ESRRB: variants seen among roughly 807,000 people sequenced by gnomAD.
The protein encoded by ESRRB is estrogen related receptor beta, also known as steroid hormone receptor ERR2.
In ESRRB, 16 loss-of-function variants were observed where a neutral mutation model predicts 46.0. That is an observed-to-expected ratio of 0.35 (90% CI 0.24 to 0.53). The LOEUF is 0.53. Ranked by LOEUF, ESRRB falls within the 20% of genes least tolerant of loss-of-function variation. ESRRB has a pLI of 0.93. For missense variants in ESRRB, 488 were observed against 607.4 expected (o/e 0.80, Z 2.07); for synonymous variants, 246 against 259.6 (o/e 0.95, Z 0.50).
At chr14:76,345,366 CA>C (rs59564117) in intron 1 of ESRRB, among the ~76,000 whole-genome samples, 58,744 of 151,874 alleles carry the variant, frequency 0.39, 11,376 homozygotes, top group Admixed American at 0.49. Context: ...ACAATCCCAT[CA>C]AAAAAGTGGG....
At chr14:76,471,812 G>A (rs1291236382) in intron 3 of ESRRB, among the ~76,000 whole-genome samples, 1 of 152,182 alleles carries the variant, frequency 6.6e-6, no homozygotes, top group Non-Finnish European at 1.5e-5. Context: ...TAACACAGTT[G>A]TTCTTAATTC....
At chr14:76,488,039 G>A (rs1270103120) in intron 5 of ESRRB, among the ~76,000 whole-genome samples, 1 of 152,164 alleles carries the variant, frequency 6.6e-6, no homozygotes, top group Admixed American at 6.5e-5. Flanking sequence ...GAAGCCAAAT[G>A]TAGACACAAA....
At chr14:76,334,911 G>T (rs1884108396) in intron 1 of ESRRB, among the ~76,000 whole-genome samples, 1 of 152,190 alleles carries the variant, frequency 6.6e-6, no homozygotes, top group Non-Finnish European at 1.5e-5. Flanking sequence ...GAGCCACGTG[G>T]TGATGGGGGC....
intron 1 of ESRRB, among the ~76,000 whole-genome samples, chr14:76,334,987 A>G (rs1290193076): frequency 6.6e-6 from 1 of 152,114 alleles, no homozygotes; most frequent in Non-Finnish European, 1.5e-5. Flanking sequence ...TCTATCAGGC[A>G]TGTGGGTGTA....
intron 1 of ESRRB, among the ~76,000 whole-genome samples, chr14:76,360,677 T>C (rs889186445): frequency 6.6e-6 from 1 of 152,182 alleles, no homozygotes; most frequent in African/African-American, 2.4e-5. Flanking sequence ...TGTGTTGTTA[T>C]ATTTGTTGGG....
At chr14:76,490,443 C>T (rs1485347237) in intron 5 of ESRRB, among the ~76,000 whole-genome samples, 1 of 152,184 alleles carries the variant, frequency 6.6e-6, no homozygotes, top group Non-Finnish European at 1.5e-5. Context: ...AATAATAGCT[C>T]AGTAAATACT....
chr14:76,316,212 G>A (rs1360798722), intron 1 of ESRRB, among the ~76,000 whole-genome samples: 1 of 152,178 alleles, frequency 6.6e-6, no homozygotes, highest in Non-Finnish European at 1.5e-5. Flanking sequence ...CCTCTCGTGG[G>A]ATGTCTGCAG....
At position 76,442,981 on chromosome 14, in the gene ESRRB, A is replaced by AT. The variant is rs1472693960; in HGVS notation, c.460+3237dup. Among the ~76,000 whole-genome samples the AT allele has an allele frequency of 1.4e-4, 21 of 151,290 alleles. No individual in the cohort carries two copies. The South Asian group carries it at 1.9e-3, about 14-fold the overall frequency. Reference sequence around the variant, plus strand: ...AGGTGCTGGCCACAACACCTGGCTAATTTTTTGTATTTTTAGTAGAGATGT... The same window carrying AT: ...AGGTGCTGGCCACAACACCTGGCTAATTTTTTTGTATTTTTAGTAGAGATGT... On this transcript the variant is annotated intron_variant, in intron 2 of 6. Coordinates refer to ENST00000644823, the MANE Select transcript of ESRRB (RefSeq NM_001379180.1).
intron 1 of ESRRB, among the ~76,000 whole-genome samples, chr14:76,337,174 A>AT: frequency 6.6e-6 from 1 of 152,170 alleles, no homozygotes; most frequent in Non-Finnish European, 1.5e-5. Flanking sequence ...GAATCTAGGC[A>AT]TGGACAACTT....
chr14:76,350,854 C>A (rs1200825581), intron 1 of ESRRB, among the ~76,000 whole-genome samples: 1 of 152,212 alleles, frequency 6.6e-6, no homozygotes, highest in East Asian at 1.9e-4. Context: ...CGGCAGGAAT[C>A]AACAGGCAGT....
At chr14:76,357,179 G>T (rs1306889055) in intron 1 of ESRRB, among the ~76,000 whole-genome samples, 2 of 152,240 alleles carry the variant, frequency 1.3e-5, no homozygotes, top group Non-Finnish European at 2.9e-5. Context: ...GGTTCACGGG[G>T]CATGAGAGAG....
chr14:76,471,719 T>C (rs897336935), intron 3 of ESRRB, among the ~76,000 whole-genome samples: 2 of 152,256 alleles, frequency 1.3e-5, no homozygotes, highest in South Asian at 2.1e-4. Context: ...TATCCCCTTG[T>C]ATGCTTCTTC....
At chr14:76,434,067 G>A (rs995325828) in intron 1 of ESRRB, among the ~76,000 whole-genome samples, 4 of 150,206 alleles carry the variant, frequency 2.7e-5, no homozygotes, top group African/African-American at 4.9e-5. Context: ...CAAGCAATTC[G>A]CCTACCTCAG....
Position 76,435,967 on chromosome 14 carries a change from G to C in ESRRB, c.51-3374G>C, listed in dbSNP as rs1283764845. 9.9e-5 allele frequency among the ~76,000 whole-genome samples: 15 copies of C among 152,142 alleles called. 1 individual carries two copies. Among genetic ancestry groups the C allele is most frequent in the Admixed American group, 9.8e-4 (15 of 15,274 alleles). Reference sequence around the variant, plus strand: ...TGTACCAACCCTGATAGTTAATAACGGGCTTCCCGCACCAACCCTGATAGA... The same window carrying C: ...TGTACCAACCCTGATAGTTAATAACCGGCTTCCCGCACCAACCCTGATAGA... On this transcript the variant is annotated intron_variant, in intron 1 of 6. Coordinates refer to ENST00000644823, the MANE Select transcript of ESRRB (RefSeq NM_001379180.1).
chr14:76,396,996 G>A (rs1257112992), intron 1 of ESRRB, among the ~76,000 whole-genome samples: 6 of 152,152 alleles, frequency 3.9e-5, no homozygotes, highest in Non-Finnish European at 7.4e-5. Context: ...CTCCTCCCAC[G>A]CCAGCCGCCC....
chr14:76,365,574 T>A (rs906430249), intron 1 of ESRRB, among the ~76,000 whole-genome samples: 2 of 152,200 alleles, frequency 1.3e-5, no homozygotes, highest in African/African-American at 4.8e-5. Context: ...ACACAAAGTG[T>A]GCCTAAGCGA....
At chr14:76,493,892 G>A (rs936555210) in intron 6 of ESRRB, among the ~76,000 whole-genome samples, 1 of 152,234 alleles carries the variant, frequency 6.6e-6, no homozygotes, top group African/African-American at 2.4e-5. Flanking sequence ...GGGTTATGTG[G>A]CCCTTTCCTT....
rs2139790491 is a variant in ESRRB at position 76,376,911 on chromosome 14, A to G, written c.50+460A>G. Among the ~76,000 whole-genome samples, 1 of 152,292 alleles carries G rather than the reference A, an allele frequency of 6.6e-6. No individual in the cohort carries two copies. The highest frequency in any genetic ancestry group is 3.4e-3 in the Middle Eastern group (1 of 294). On this transcript the variant is annotated intron_variant, in intron 1 of 6. Transcript: ENST00000644823. The surrounding 1 kb of genome is among the most constrained non-coding windows in gnomAD (Gnocchi z 4.1). Reference sequence around the variant, plus strand: ...CTGGGGACCAAAAATGATCCCGGCAAGAGAGAGAAAATCGAACGTGCCGCG... The same window carrying G: ...CTGGGGACCAAAAATGATCCCGGCAGGAGAGAGAAAATCGAACGTGCCGCG...
chr14:76,318,449 A>G (rs1490295078), intron 1 of ESRRB, among the ~76,000 whole-genome samples: 1 of 152,226 alleles, frequency 6.6e-6, no homozygotes, highest in Non-Finnish European at 1.5e-5. Flanking sequence ...AGTGCTTGCC[A>G]GTTTTAGACT....
Sources: allele counts gnomAD v4.1 joint callset (sites outside exome capture counted in the v4.1 genomes callset), GRCh38; gene constraint gnomAD v4.1.1; non-coding constraint Gnocchi (gnomAD v3.1); transcripts MANE v1.5; gene names NCBI Gene and HGNC (gene_info 2026-07-23, HGNC 2026-07-21).